CFHR5: variants seen among roughly 807,000 people sequenced by gnomAD.
The protein encoded by CFHR5 is complement factor H related 5.
A neutral mutation model predicts 62.9 loss-of-function variants in CFHR5; 73 were observed. That is an observed-to-expected ratio of 1.16 (90% CI 0.96 to 1.41). The LOEUF is 1.41. Among genes scored for constraint, CFHR5 ranks in the 40% most tolerant of loss-of-function variants. CFHR5 has a pLI of 0.00. For synonymous variants in CFHR5, 249 were observed against 227.2 expected, an observed-to-expected ratio of 1.10 and a Z score of -0.86; for missense variants, 779 against 679.9, an observed-to-expected ratio of 1.15 and a Z score of -1.62.
chr1:197,003,212 A>G (rs1444525014), intron 8 of CFHR5, among the ~76,000 whole-genome samples: 1 of 152,174 alleles, frequency 6.6e-6, no homozygotes, highest in African/African-American at 2.4e-5. Flanking sequence ...TCAAGATCCT[A>G]TGAGAATCTA....
intron 1 of CFHR5, among the ~76,000 whole-genome samples, chr1:196,982,248 C>A (rs1195582913): frequency 6.6e-6 from 1 of 152,092 alleles, no homozygotes; most frequent in Non-Finnish European, 1.5e-5. Flanking sequence ...CTACATAGAC[C>A]AGGGAGATTT....
intron 3 of CFHR5, among the ~76,000 whole-genome samples, chr1:196,990,300 C>T (rs1320482454): frequency 6.6e-6 from 1 of 152,158 alleles, no homozygotes; most frequent in Non-Finnish European, 1.5e-5. Context: ...ATACAGCACA[C>T]TGATGGGTCT....
At chr1:197,008,435 GGTAAAGAT>G in intron 9 of CFHR5, 44 bp from the exon 10 acceptor site, 1 of 1,102,968 alleles carries the variant, frequency 9.1e-7, no homozygotes, top group South Asian at 2.0e-5. Flanking sequence ...TTCTATGAAA[GGTAAAGAT>G]GTATTATTAT....
intron 3 of CFHR5, among the ~76,000 whole-genome samples, chr1:196,988,320 A>G (rs577513262): frequency 0.016 from 2,482 of 152,136 alleles, 47 homozygotes; most frequent in African/African-American, 0.045. Context: ...TGCAAACAGC[A>G]ACAATTTGAC....
At chr1:196,998,064 A>G (rs1287998192) in intron 6 of CFHR5, 64 bp from the exon 7 acceptor site, 1 of 1,010,660 alleles carries the variant, frequency 9.9e-7, no homozygotes, top group Non-Finnish European at 1.5e-6. Flanking sequence ...TAATTATGCT[A>G]TTAATATTGC....
chr1:196,980,051 G>A (rs1481840346), intron 1 of CFHR5, among the ~76,000 whole-genome samples: 3 of 151,616 alleles, frequency 2.0e-5, no homozygotes, highest in Middle Eastern at 3.2e-3. Flanking sequence ...TTTGTTAAAA[G>A]CAGACACAAA....
Position 197,008,515 on chromosome 1 carries a change from G to T in CFHR5, c.1542G>T (p.Met514Ile). 6.2e-7 allele frequency: 1 copy of T among 1,608,956 alleles called. No individual in the cohort carries two copies. The highest frequency in any genetic ancestry group is 1.1e-5 in the South Asian group (1 of 89,928). ...LDPCVVSEEN[M>I]NKNNIQLKWR... Reference sequence around the variant, plus strand: ...CATGTGTGGTATCTGAAGAAAACATGAACAAAAATAACATACAGTTAAAAT... The same window carrying T: ...CATGTGTGGTATCTGAAGAAAACATTAACAAAAATAACATACAGTTAAAAT... Residue 514 changes from methionine (M) to isoleucine (I), a missense_variant, in exon 10 of 10, where the codon ATG (methionine) becomes ATT (isoleucine). Transcript: ENST00000256785.
At chr1:197,004,493 C>T (rs193301238) in intron 8 of CFHR5, among the ~76,000 whole-genome samples, 168 bp from the exon 9 acceptor site, 17 of 152,186 alleles carry the variant, frequency 1.1e-4, no homozygotes, top group African/African-American at 3.6e-4. Flanking sequence ...TTCACTTTAA[C>T]ATGAAAGGAG....
intron 9 of CFHR5, 85 bp downstream of exon 9, chr1:197,004,928 C>A: frequency 9.6e-7 from 1 of 1,038,404 alleles, no homozygotes; most frequent in Non-Finnish European, 1.5e-6. Context: ...ATAACCCTTA[C>A]TTAAGTTTCA....
rs765238160 is a variant in CFHR5 at position 196,983,091 on chromosome 1, C to T, written c.253+12C>T. On this transcript the variant is annotated intron_variant, in intron 2 of 9. Transcript: ENST00000256785. ...ACCGAAGTGTCTCAGTGAGTAAATG[C>T]CCTGTTCATTAAATGGATGTCATTC... 1.2e-6 allele frequency: 2 copies of T among 1,613,514 alleles called. No homozygotes were observed. Among genetic ancestry groups the T allele is most frequent in the Admixed American group, 1.7e-5 (1 of 59,986 alleles).
chr1:196,999,742 T>A (rs12091602), intron 7 of CFHR5, among the ~76,000 whole-genome samples: 1 of 122,776 alleles, frequency 8.1e-6, no homozygotes. Flanking sequence ...CACATATATA[T>A]ACACACACAT....
intron 3 of CFHR5, among the ~76,000 whole-genome samples, chr1:196,993,765 A>G (rs967180399): frequency 6.6e-5 from 10 of 152,196 alleles, no homozygotes; most frequent in African/African-American, 2.2e-4. Flanking sequence ...ATTAAACAAT[A>G]AAATTAGAAC....
At chr1:196,992,647 G>A (rs969976558) in intron 3 of CFHR5, among the ~76,000 whole-genome samples, 1 of 152,028 alleles carries the variant, frequency 6.6e-6, no homozygotes, top group Non-Finnish European at 1.5e-5. Context: ...GTTCCTATTC[G>A]GCCATCTTGG....
chr1:196,986,373 T>TAG (rs1653682476), intron 3 of CFHR5, among the ~76,000 whole-genome samples: 1 of 144,370 alleles, frequency 6.9e-6, no homozygotes, highest in East Asian at 2.0e-4. Context: ...ATTTTCTTTT[T>TAG]ATATATATAT....
chr1:197,003,578 G>C (rs1654205218), intron 8 of CFHR5, among the ~76,000 whole-genome samples: 1 of 152,168 alleles, frequency 6.6e-6, no homozygotes, highest in South Asian at 2.1e-4. Flanking sequence ...AGAGTGCTTA[G>C]AGCTGGACAA....
intron 3 of CFHR5, 151 bp from the exon 4 acceptor site, chr1:196,993,929 G>T (rs939751500): frequency 1.6e-6 from 1 of 643,516 alleles, no homozygotes; most frequent in Non-Finnish European, 2.7e-6. Flanking sequence ...TATTTATTGG[G>T]TATAAATAAT....
At chr1:196,981,973 T>C (rs561224020) in intron 1 of CFHR5, among the ~76,000 whole-genome samples, 2,044 of 152,216 alleles carry the variant, frequency 0.013, 38 homozygotes, top group African/African-American at 0.045. Context: ...AGAATTTAGC[T>C]CTAATTTTAT....
At chr1:196,995,681 AC>A in intron 4 of CFHR5, 35 bp from the exon 5 acceptor site, 1 of 1,560,888 alleles carries the variant, frequency 6.4e-7, no homozygotes, top group Non-Finnish European at 8.8e-7. Flanking sequence ...TACTTATAAG[AC>A]CATTTAAGCA....
At chr1:196,994,337 T>G (rs1653933715) in intron 4 of CFHR5, 81 bp downstream of exon 4, 5 of 1,139,228 alleles carry the variant, frequency 4.4e-6, no homozygotes, top group Non-Finnish European at 6.6e-6. Context: ...GAGCTTATAT[T>G]ACATCTATAA....
Sources: allele counts gnomAD v4.1 joint callset (sites outside exome capture counted in the v4.1 genomes callset), GRCh38; gene constraint gnomAD v4.1.1; transcripts MANE v1.5; gene names NCBI Gene and HGNC (gene_info 2026-07-23, HGNC 2026-07-21).